Variants in RALYL observed in about 807,000 individuals in gnomAD.
RALYL encodes the protein RNA-binding Raly-like protein.
In RALYL, 29 loss-of-function variants were observed where a neutral mutation model predicts 35.1. The observed-to-expected ratio is 0.83, with a 90% CI of 0.61 to 1.13. The LOEUF is 1.13. Among genes scored for constraint, RALYL ranks in the 50% most tolerant of loss-of-function variants. The probability of loss-of-function intolerance (pLI) is 0.00; values close to 1 mark genes in which losing one functional copy is unlikely to be tolerated. For missense variants in RALYL, 359 were observed against 360.4 expected (o/e 1.00, Z 0.03); for synonymous variants, 120 against 127.6 (o/e 0.94, Z 0.40).
chr8:84,217,599 T>C (rs1463150877), intron 1 of RALYL, among the ~76,000 whole-genome samples: 1 of 151,972 alleles, frequency 6.6e-6, no homozygotes, highest in African/African-American at 2.4e-5. Flanking sequence ...AAACGTAAGG[T>C]TTTTATACCA....
At chr8:84,281,108 A>G (rs892498756) in intron 1 of RALYL, among the ~76,000 whole-genome samples, 1 of 152,062 alleles carries the variant, frequency 6.6e-6, no homozygotes, top group Non-Finnish European at 1.5e-5. Context: ...GACTATACAG[A>G]GGTTTTTCTT....
At chr8:84,255,585 A>G (rs1831056164) in intron 1 of RALYL, among the ~76,000 whole-genome samples, 1 of 152,130 alleles carries the variant, frequency 6.6e-6, no homozygotes, top group Admixed American at 6.6e-5. Context: ...GAGATTTGAA[A>G]TCCAGATTTA....
intron 1 of RALYL, among the ~76,000 whole-genome samples, chr8:84,366,221 A>G (rs1455078860): frequency 6.6e-6 from 1 of 152,200 alleles, no homozygotes; most frequent in Non-Finnish European, 1.5e-5. Context: ...GGGAATATGT[A>G]TGCATCAAAA....
chr8:84,644,009 C>T (rs755497303), intron 2 of RALYL, among the ~76,000 whole-genome samples: 13 of 151,952 alleles, frequency 8.6e-5, no homozygotes, highest in African/African-American at 1.4e-4. Context: ...TGTTTTAAGG[C>T]TAGCACCTGG....
At chr8:84,804,054 A>ATGTT (rs1824013007) in intron 3 of RALYL, among the ~76,000 whole-genome samples, 1 of 152,176 alleles carries the variant, frequency 6.6e-6, no homozygotes, top group South Asian at 2.1e-4. Context: ...ATTTACTTAC[A>ATGTT]TGTTGTAAAA....
intron 1 of RALYL, among the ~76,000 whole-genome samples, chr8:84,413,069 T>A (rs969737794): frequency 2.6e-5 from 4 of 150,990 alleles, no homozygotes; most frequent in African/African-American, 9.7e-5. Flanking sequence ...CCTTTCTCAC[T>A]GCTATTTTAT....
At chr8:84,429,221 A>G (rs1413919699) in intron 1 of RALYL, among the ~76,000 whole-genome samples, 1 of 152,202 alleles carries the variant, frequency 6.6e-6, no homozygotes, top group Non-Finnish European at 1.5e-5. Context: ...TGCTTTTGTG[A>G]ATAGACTGCT....
intron 2 of RALYL, among the ~76,000 whole-genome samples, chr8:84,628,086 A>G (rs1388583221): frequency 1.3e-5 from 2 of 152,120 alleles, no homozygotes; most frequent in African/African-American, 4.8e-5. Context: ...ATACCTTTCA[A>G]TGACTTACTG....
At chr8:84,737,345 A>T (rs1054625366) in intron 2 of RALYL, among the ~76,000 whole-genome samples, 2 of 152,064 alleles carry the variant, frequency 1.3e-5, no homozygotes, top group African/African-American at 4.8e-5. Flanking sequence ...ATTGACCTTT[A>T]TGCAACATTG....
At chr8:84,623,444 T>G (rs1196128785) in intron 2 of RALYL, among the ~76,000 whole-genome samples, 1 of 151,424 alleles carries the variant, frequency 6.6e-6, no homozygotes, top group African/African-American at 2.4e-5. Flanking sequence ...AAAGTAGTGG[T>G]CCAAAAAATA....
intron 1 of RALYL, among the ~76,000 whole-genome samples, chr8:84,242,821 C>A (rs1247437479): frequency 6.6e-6 from 1 of 152,112 alleles, no homozygotes; most frequent in Non-Finnish European, 1.5e-5. Context: ...ATTTCTTTTG[C>A]TGTGCAGAAG....
chr8:84,216,473 G>C (rs1820855142), intron 1 of RALYL, among the ~76,000 whole-genome samples: 1 of 152,034 alleles, frequency 6.6e-6, no homozygotes, highest in African/African-American at 2.4e-5. Flanking sequence ...GATGTTATGG[G>C]CTATGTATAG....
At chr8:84,672,511 C>T (rs764999011) in intron 2 of RALYL, among the ~76,000 whole-genome samples, 2 of 152,190 alleles carry the variant, frequency 1.3e-5, no homozygotes, top group Admixed American at 6.5e-5. Flanking sequence ...TTACTTCGTA[C>T]TAATTTACTG....
chr8:84,466,693 G>A (rs2051716477), intron 1 of RALYL, among the ~76,000 whole-genome samples: 1 of 151,872 alleles, frequency 6.6e-6, no homozygotes, highest in African/African-American at 2.4e-5. Flanking sequence ...TTTTTCTATT[G>A]ATTAGAATAG....
At chr8:84,345,627 C>G (rs79604766) in intron 1 of RALYL, among the ~76,000 whole-genome samples, 6,884 of 152,122 alleles carry the variant, frequency 0.045, 251 homozygotes, top group Non-Finnish European at 0.06. Flanking sequence ...TGGGAAGACC[C>G]TCCAGCATCT....
chr8:84,513,280 A>G (rs1044440530), intron 1 of RALYL, among the ~76,000 whole-genome samples: 33 of 152,148 alleles, frequency 2.2e-4, no homozygotes, highest in Non-Finnish European at 1.0e-4. Flanking sequence ...TATTATAAAT[A>G]AATGCTATTG....
chr8:84,338,730 G>A (rs1044232413), intron 1 of RALYL, among the ~76,000 whole-genome samples: 1 of 151,944 alleles, frequency 6.6e-6, no homozygotes, highest in Non-Finnish European at 1.5e-5. Context: ...AAAGAGTTCT[G>A]ATACTAACAC....
chr8:84,880,752 T>A (rs902620675), intron 7 of RALYL, among the ~76,000 whole-genome samples: 2 of 151,936 alleles, frequency 1.3e-5, no homozygotes, highest in African/African-American at 4.8e-5. Flanking sequence ...TCACCACAAA[T>A]CAGTTAGGAC....
intron 1 of RALYL, among the ~76,000 whole-genome samples, chr8:84,185,631 T>C (rs1812334751): frequency 1.3e-5 from 2 of 152,192 alleles, no homozygotes; most frequent in Admixed American, 6.5e-5. Context: ...ATTTTGAAGC[T>C]TTGATTTTCT....
Sources: allele counts gnomAD v4.1 joint callset (sites outside exome capture counted in the v4.1 genomes callset), GRCh38; gene constraint gnomAD v4.1.1; transcripts MANE v1.5; gene names NCBI Gene and HGNC (gene_info 2026-07-23, HGNC 2026-07-21).